The following SORCS2 variants were observed in gnomAD, a reference collection of about 807,000 sequenced individuals.
The protein encoded by SORCS2 is VPS10 domain-containing receptor SorCS2.
A neutral mutation model predicts 141.6 loss-of-function variants in SORCS2; 100 were observed. The ratio of observed to expected loss-of-function variants is 0.71; its 90% CI spans 0.60 to 0.83. The LOEUF is 0.83. Ranked by LOEUF, SORCS2 falls within the 40% of genes least tolerant of loss-of-function variation. SORCS2 has a pLI of 0.00. For missense variants in SORCS2, 1,646 were observed against 1,560.2 expected, an observed-to-expected ratio of 1.05 and a Z score of -0.93; for synonymous variants, 789 against 676.9, an observed-to-expected ratio of 1.17 and a Z score of -2.57.
intron 1 of SORCS2, among the ~76,000 whole-genome samples, chr4:7,304,001 A>G (rs532594540): frequency 6.6e-6 from 1 of 152,404 alleles, no homozygotes; most frequent in South Asian, 2.1e-4. Flanking sequence ...TGTGAGAAGC[A>G]GGTGCTATTG....
chr4:7,636,402 T>C (rs2108858858), intron 3 of SORCS2, among the ~76,000 whole-genome samples: 1 of 152,354 alleles, frequency 6.6e-6, no homozygotes, highest in East Asian at 1.9e-4. Flanking sequence ...AATGAATTAA[T>C]GAAGGAACGA....
chr4:7,559,765 G>A (rs1001368778), intron 3 of SORCS2, among the ~76,000 whole-genome samples: 3 of 152,234 alleles, frequency 2.0e-5, no homozygotes, highest in Admixed American at 1.3e-4. Context: ...TTCCCCCTCC[G>A]GGTGGTTGTA....
intron 8 of SORCS2, among the ~76,000 whole-genome samples, chr4:7,669,386 C>T (rs1021438974): frequency 6.6e-6 from 1 of 152,174 alleles, no homozygotes; most frequent in Admixed American, 6.5e-5. Context: ...AGCTGGGCTG[C>T]TGTCAGGAGA....
At chr4:7,483,415 C>T (rs749697533) in intron 2 of SORCS2, among the ~76,000 whole-genome samples, 1 of 151,752 alleles carries the variant, frequency 6.6e-6, no homozygotes, top group Non-Finnish European at 1.5e-5. Flanking sequence ...CCAAAGAACG[C>T]AGGAGTTTGC....
At chr4:7,673,849 C>A (rs1390483022) in intron 8 of SORCS2, among the ~76,000 whole-genome samples, 1 of 152,162 alleles carries the variant, frequency 6.6e-6, no homozygotes, top group Non-Finnish European at 1.5e-5. Flanking sequence ...TCTCAGTCCC[C>A]CCACCACCCC....
At chr4:7,316,477 C>T (rs1049555435) in intron 1 of SORCS2, among the ~76,000 whole-genome samples, 1 of 152,190 alleles carries the variant, frequency 6.6e-6, no homozygotes, top group Non-Finnish European at 1.5e-5. Context: ...TGGATACAAA[C>T]TAAGGACTCA....
At chr4:7,490,987 G>A (rs532234845) in intron 2 of SORCS2, among the ~76,000 whole-genome samples, 94 of 152,242 alleles carry the variant, frequency 6.2e-4, no homozygotes, top group African/African-American at 2.2e-3. Context: ...CCAGCGGCTG[G>A]TCTCGCCCCT....
intron 23 of SORCS2, among the ~76,000 whole-genome samples, chr4:7,730,679 G>A (rs1055224328): frequency 6.6e-6 from 1 of 152,324 alleles, no homozygotes; most frequent in Admixed American, 6.5e-5. Context: ...GAAATGCCCA[G>A]AACAGGCAAA....
chr4:7,733,208 C>T (rs1256324497), intron 23 of SORCS2, 114 bp from the exon 24 acceptor site: 1 of 603,640 alleles, frequency 1.7e-6, no homozygotes, highest in African/African-American at 1.9e-5. Context: ...TAGAAGACCC[C>T]CCCAACACGT....
chr4:7,354,498 G>A (rs556283689), intron 1 of SORCS2, among the ~76,000 whole-genome samples: 2 of 152,152 alleles, frequency 1.3e-5, no homozygotes, highest in Non-Finnish European at 2.9e-5. Context: ...AGGAGATTGG[G>A]GCGAGTCCCA....
At chr4:7,475,440 C>A (rs1577625840) in intron 2 of SORCS2, among the ~76,000 whole-genome samples, 1 of 152,088 alleles carries the variant, frequency 6.6e-6, no homozygotes. Flanking sequence ...GCTCGGCCGG[C>A]CCCCCGAGGG....
At chr4:7,217,000 G>A (rs1018771884) in intron 1 of SORCS2, among the ~76,000 whole-genome samples, 6 of 152,158 alleles carry the variant, frequency 3.9e-5, no homozygotes, top group African/African-American at 7.2e-5. Context: ...GGCGGTTCCC[G>A]TGGCTCTTCC....
chr4:7,285,766 G>A (rs1274008195), intron 1 of SORCS2, among the ~76,000 whole-genome samples: 6 of 152,336 alleles, frequency 3.9e-5, no homozygotes, highest in South Asian at 2.1e-4. Context: ...GCAGATCCCC[G>A]TTTCTTTTAG....
rs1175075278 is a variant in SORCS2, at chr4:7,492,499, C to T, written c.549-39031C>T. ...CTGTTGGTGATCCCCAGGAGGATTC[C>T]GGGTGAACGCAGGAGTACAGGGACC... On this transcript the variant is annotated intron_variant, in intron 2 of 26. Transcript: ENST00000507866. Among the ~76,000 whole-genome samples, 7 of 152,296 alleles carry T rather than the reference C, an allele frequency of 4.6e-5. No individual in the cohort carries two copies. The East Asian group carries it at 5.8e-4, about 13-fold the overall frequency.
chr4:7,458,517 A>G (rs183706263), intron 2 of SORCS2, among the ~76,000 whole-genome samples: 369 of 152,272 alleles, frequency 2.4e-3, no homozygotes, highest in South Asian at 7.7e-3. Flanking sequence ...TTCATGCTTC[A>G]CTCCTACATA....
intron 1 of SORCS2, among the ~76,000 whole-genome samples, chr4:7,241,260 G>T (rs1208446262): frequency 6.6e-6 from 1 of 152,214 alleles, no homozygotes; most frequent in Admixed American, 6.5e-5. Flanking sequence ...TGGGGGGCCG[G>T]TGGGGCTTGG....
chr4:7,405,973 T>A (rs1386754907), intron 2 of SORCS2, among the ~76,000 whole-genome samples: 1 of 152,074 alleles, frequency 6.6e-6, no homozygotes. Flanking sequence ...TGGCTGTGGG[T>A]TTGTTGTATA....
intron 12 of SORCS2, among the ~76,000 whole-genome samples, chr4:7,700,254 C>G (rs575066942): frequency 6.6e-6 from 1 of 152,376 alleles, no homozygotes; most frequent in East Asian, 1.9e-4. Context: ...TGTCATTTGT[C>G]CACAAAACAT....
chr4:7,532,799 G>C (rs921938063), intron 3 of SORCS2, among the ~76,000 whole-genome samples: 1 of 152,136 alleles, frequency 6.6e-6, no homozygotes, highest in Non-Finnish European at 1.5e-5. Flanking sequence ...AAAGCAGGTT[G>C]CTTTGCTGTT....
Sources: gnomAD v4.1 joint callset for allele counts (sites outside exome capture counted in the v4.1 genomes callset) on GRCh38, gnomAD v4.1.1 for gene constraint, MANE v1.5 for transcripts, NCBI Gene and HGNC (gene_info 2026-07-23, HGNC 2026-07-21) for gene names.